Variants in PPM1F observed in about 807,000 individuals in gnomAD.
PPM1F encodes the protein protein phosphatase, Mg2+/Mn2+ dependent 1F.
Under a neutral mutation model 35.5 loss-of-function variants are expected in PPM1F, and 17 were observed. That is an observed-to-expected ratio of 0.48 (90% CI 0.33 to 0.72). The LOEUF (loss-of-function observed/expected upper bound fraction) is 0.72, where lower values mean the gene tolerates loss of function less well. Ranked by LOEUF, PPM1F falls within the 30% of genes least tolerant of loss-of-function variation. The probability of loss-of-function intolerance (pLI) is 0.02; values close to 1 mark genes in which losing one functional copy is unlikely to be tolerated. For missense variants in PPM1F, 521 were observed against 613.0 expected, an observed-to-expected ratio of 0.85 and a Z score of 1.59; for synonymous variants, 241 against 255.5, an observed-to-expected ratio of 0.94 and a Z score of 0.54.
chr22:21,936,940 T>C (rs2070666531), intron 3 of PPM1F: 1 of 152,192 alleles, frequency 6.6e-6, no homozygotes, highest in African/African-American at 2.4e-5. Flanking sequence ...ACAATACTCA[T>C]TTGAAAAGAA....
chr22:21,941,234 G>A (rs2070722190), intron 2 of PPM1F: 1 of 152,358 alleles, frequency 6.6e-6, no homozygotes, highest in Non-Finnish European at 1.5e-5. Context: ...TGTTTGAAGA[G>A]GGACATGGCA....
chr22:21,925,501 G>A (rs764759979), intron 7 of PPM1F, 68 bp downstream of exon 7: 11 of 1,403,044 alleles, frequency 7.8e-6, no homozygotes, highest in African/African-American at 2.8e-5. Flanking sequence ...GGTGAGCCGC[G>A]GGCCACACTC....
chr22:21,950,715 C>G (rs551805724), intron 1 of PPM1F: 1 of 152,136 alleles, frequency 6.6e-6, no homozygotes. Flanking sequence ...CTCCGCCTCT[C>G]AGGTTCAAGT....
intron 2 of PPM1F, chr22:21,941,417 A>C (rs2070724072): frequency 6.6e-6 from 1 of 152,472 alleles, no homozygotes; most frequent in African/African-American, 2.4e-5. Flanking sequence ...ACAGTGTTGA[A>C]GTTTCTATTC....
intron 3 of PPM1F, chr22:21,936,053 C>T (rs1461804977): frequency 1.3e-5 from 2 of 152,114 alleles, no homozygotes; most frequent in African/African-American, 2.4e-5. Context: ...TATCTACTCC[C>T]AGCTATTCGG....
Position 21,939,386 on chromosome 22 carries a change from C to A in PPM1F, c.355+146G>T, listed in dbSNP as rs1306142091. The A allele has an allele frequency of 1.7e-5, 19 of 1,092,246 alleles. No individual in the cohort carries two copies. The South Asian group carries it at 2.7e-4, about 16-fold the overall frequency. 67.7% of individuals were successfully genotyped at this position (1,092,246 alleles called of 1,614,324 possible). A position where few individuals can be genotyped will look rare whatever the true frequency, so the allele number is the denominator to read the frequency against. ...CCCTCCACCTCACTGGGGCCGCAAG[C>A]CTTCTCTGCTCCTTGATTCTGCTGC... On this transcript the variant is annotated intron_variant, in intron 3 of 7. Coordinates refer to ENST00000263212, the MANE Select transcript of PPM1F (RefSeq NM_014634.4). The surrounding 1 kb of genome is among the most constrained non-coding windows in gnomAD (Gnocchi z 5.1).
chr22:21,939,664 G>A lies in PPM1F; in HGVS notation c.223C>T (p.Leu75Phe), dbSNP rs2070703960. ...GCTTCGTGGGCCAGAGCAGCAGCAA[G>A]TGGTGGCGGGGCCTTCCTAGGGATG... ...FLGSRKAPPP[L>F]AAALAHEAVS... Residue 75 changes from leucine to phenylalanine, a missense_variant, in exon 3 of 8, where the codon CTT (leucine) becomes TTT (phenylalanine). Transcript: ENST00000263212. The surrounding 1 kb of genome is among the most constrained non-coding windows in gnomAD (Gnocchi z 5.1). The A allele has an allele frequency of 6.4e-7, 1 of 1,553,196 alleles. No individual in the cohort carries two copies. The highest frequency in any genetic ancestry group is 1.4e-5 in the African/African-American group (1 of 73,230).
Position 21,933,271 on chromosome 22 carries a change from C to T in PPM1F, c.747+120G>A, listed in dbSNP as rs530060016. The stretch of plus-strand genomic sequence containing the variant: ...CCTTTAGAAAAAATGGCAGGACCAC[C>T]GGCAGTGTTTAGTGAGGACCTTCCA... On this transcript the variant is annotated intron_variant, in intron 5 of 7. Coordinates refer to ENST00000263212, the MANE Select transcript of PPM1F (RefSeq NM_014634.4). 6.2e-5 allele frequency: 57 copies of T among 919,596 alleles called. 1 individual carries two copies. Among genetic ancestry groups the T allele is most frequent in the South Asian group, 9.3e-5 (5 of 53,900 alleles). 57.0% of individuals were successfully genotyped at this position (919,596 alleles called of 1,614,324 possible).
At chr22:21,942,892 G>A (rs563196456) in intron 2 of PPM1F, 16 of 152,446 alleles carry the variant, frequency 1.0e-4, no homozygotes, top group African/African-American at 3.4e-4. Context: ...CAAGGTGTAT[G>A]CAAGGCCCAG....
At chr22:21,946,150 G>A in intron 1 of PPM1F, 42 bp from the exon 2 acceptor site, 1 of 1,015,510 alleles carries the variant, frequency 9.8e-7, no homozygotes, top group Non-Finnish European at 1.4e-6. Context: ...GGGGGCCATG[G>A]CACCAGCAAT....
rs1316730354 is a variant in PPM1F, at chr22:21,946,098, C to G, written c.-50G>C. 1 of 1,427,006 alleles carries G rather than the reference C, an allele frequency of 7.0e-7. No individual in the cohort carries two copies. The highest frequency in any genetic ancestry group is 9.3e-7 in the Non-Finnish European group (1 of 1,070,576). The allele number at this position is 1,427,006 out of a possible 1,614,324, so 88.4% of individuals were successfully genotyped here. A position where few individuals can be genotyped will look rare whatever the true frequency, so the allele number is the denominator to read the frequency against. On this transcript the variant is annotated 5_prime_UTR_variant, in exon 2 of 8. Coordinates refer to ENST00000263212, the MANE Select transcript of PPM1F (RefSeq NM_014634.4). Reference sequence around the variant, plus strand: ...AGCTAGGCCAGGGCAAGAGGGTCTCCAGGCTTCACCCTGGGGAGAAATGTC... The same window carrying G: ...AGCTAGGCCAGGGCAAGAGGGTCTCGAGGCTTCACCCTGGGGAGAAATGTC...
At position 21,922,941 on chromosome 22, in the gene PPM1F, C is replaced by CG. The variant is rs112281356; in HGVS notation, c.*150dup. 0.39 allele frequency: 394,521 copies of CG among 1,007,786 alleles called. 80,644 individuals carry two copies. The highest frequency in any genetic ancestry group is 0.5 in the Middle Eastern group (1,476 of 2,956). 62.4% of individuals were successfully genotyped at this position (1,007,786 alleles called of 1,614,324 possible). A position where few individuals can be genotyped will look rare whatever the true frequency, so the allele number is the denominator to read the frequency against. ...GTTCCACAGCCACCAGGACGGGCTG[C>CG]GGGGGGTGTCCCGACTGGCTCTGGG... is the stretch of plus-strand genomic sequence containing the variant. On this transcript the variant is annotated 3_prime_UTR_variant, in exon 8 of 8. Coordinates refer to ENST00000263212, the MANE Select transcript of PPM1F (RefSeq NM_014634.4).
intron 3 of PPM1F, chr22:21,938,359 CCTGTCA>C (rs1304282346): frequency 1.7e-6 from 2 of 1,182,450 alleles, no homozygotes; most frequent in Non-Finnish European, 2.1e-6. Flanking sequence ...ACAATGGCCG[CCTGTCA>C]CTGTGGACAG....
intron 6 of PPM1F, among the ~76,000 whole-genome samples, chr22:21,929,829 G>C (rs375414108): frequency 6.6e-6 from 1 of 152,280 alleles, no homozygotes. Context: ...AAAGGCCAAG[G>C]AATGTAGCTG....
At chr22:21,946,645 G>A (rs1331397801) in intron 1 of PPM1F, 1 of 152,402 alleles carries the variant, frequency 6.6e-6, no homozygotes, top group Non-Finnish European at 1.5e-5. Context: ...AGGCCAGAGT[G>A]GGAGCAGGAA....
rs1398699133 is a variant in PPM1F at position 21,920,597 on chromosome 22, A to C, written c.*2495T>G. ...GAGCAGCTCCCAGTGCTGGCACCAG[A>C]CCTCTGCCAGGCACGGGGCATGGCC... On this transcript the variant is annotated 3_prime_UTR_variant, in exon 8 of 8. Transcript: ENST00000263212. 6.6e-6 allele frequency: 1 copy of C among 152,272 alleles called. No homozygotes were observed. Among genetic ancestry groups the C allele is most frequent in the East Asian group, 1.9e-4 (1 of 5,174 alleles). The allele number at this position is 152,272 out of a possible 1,614,324, so 9.4% of individuals were successfully genotyped here. A position where few individuals can be genotyped will look rare whatever the true frequency, so the allele number is the denominator to read the frequency against.
intron 1 of PPM1F, chr22:21,952,504 C>T (rs1260356075): frequency 6.7e-6 from 1 of 149,106 alleles, no homozygotes; most frequent in East Asian, 2.0e-4. Flanking sequence ...GCCACACCCC[C>T]GCCTGCCCCC....
At chr22:21,923,736 G>C (rs2070476684) in intron 7 of PPM1F, among the ~76,000 whole-genome samples, 4 of 152,026 alleles carry the variant, frequency 2.6e-5, no homozygotes, top group Non-Finnish European at 4.4e-5. Flanking sequence ...AGGCTGCAGT[G>C]GCGCGATCTC....
rs1218879054 is a variant in PPM1F at position 21,939,997 on chromosome 22, T to TG, written c.207-318dup. ...AATCACCCATGCCAGCTGGGGACCC[T>TG]GGGGGGTGGGGAGTGTTCTGGGTTG... On this transcript the variant is annotated intron_variant, in intron 2 of 7. Transcript: ENST00000263212. This position sits in a 1 kb window ranked among gnomAD's most constrained non-coding sequence, Gnocchi z 5.1. Among the ~76,000 whole-genome samples, 1 of 152,136 alleles carries TG rather than the reference T, an allele frequency of 6.6e-6. No homozygotes were observed.
Sources: allele counts gnomAD v4.1 joint callset (sites outside exome capture counted in the v4.1 genomes callset), GRCh38; gene constraint gnomAD v4.1.1; non-coding constraint Gnocchi (gnomAD v3.1); transcripts MANE v1.5; gene names NCBI Gene and HGNC (gene_info 2026-07-23, HGNC 2026-07-21).